Variants in GATAD2B observed in about 807,000 individuals in gnomAD.
GATAD2B encodes transcriptional repressor p66-beta.
A neutral mutation model predicts 64.3 loss-of-function variants in GATAD2B; 8 were observed. The observed-to-expected ratio is 0.12, with a 90% CI of 0.07 to 0.22. The LOEUF (loss-of-function observed/expected upper bound fraction) is 0.22. GATAD2B is among the 10% of genes least tolerant of loss of function. The pLI is 1.00. For missense variants in GATAD2B, 453 were observed against 752.0 expected, an observed-to-expected ratio of 0.60 and a Z score of 4.65; for synonymous variants, 281 against 271.3, an observed-to-expected ratio of 1.04 and a Z score of -0.35.
At chr1:153,851,379 G>A (rs1485604813) in intron 1 of GATAD2B, among the ~76,000 whole-genome samples, 1 of 152,080 alleles carries the variant, frequency 6.6e-6, no homozygotes, top group East Asian at 1.9e-4. Flanking sequence ...TTCCATAGTG[G>A]CCGCTTGTAC....
At chr1:153,864,638 AG>A (rs1418086823) in intron 1 of GATAD2B, among the ~76,000 whole-genome samples, 3 of 152,254 alleles carry the variant, frequency 2.0e-5, no homozygotes, top group African/African-American at 7.2e-5. Flanking sequence ...GAAGAAGAAA[AG>A]AAAGAGATGA....
chr1:153,827,916 T>G (rs1674938503), intron 2 of GATAD2B, 97 bp downstream of exon 2: 1 of 843,638 alleles, frequency 1.2e-6, no homozygotes, highest in African/African-American at 1.7e-5. Context: ...TAAGAATCTT[T>G]AGGATGAAAA....
At chr1:153,810,495 CT>C (rs1232740456) in intron 10 of GATAD2B, among the ~76,000 whole-genome samples, 185 bp from the exon 11 acceptor site, 1 of 152,240 alleles carries the variant, frequency 6.6e-6, no homozygotes, top group Non-Finnish European at 1.5e-5. Flanking sequence ...CAGTCTCATT[CT>C]GTCACCCAGG....
chr1:153,890,829 C>T (rs1052384967), intron 1 of GATAD2B: 2 of 152,200 alleles, frequency 1.3e-5, no homozygotes, highest in African/African-American at 4.8e-5. Flanking sequence ...GGTGATTCTG[C>T]TATCATTAAA....
chr1:153,861,781 C>CAAAACACAAAAAA (rs1676291334), intron 1 of GATAD2B, among the ~76,000 whole-genome samples: 1 of 85,722 alleles, frequency 1.2e-5, no homozygotes, highest in Admixed American at 1.5e-4. Context: ...GACTCCATTT[C>CAAAACACAAAAAA]AAAAAAAAAA....
intron 1 of GATAD2B, among the ~76,000 whole-genome samples, chr1:153,885,745 C>T (rs993070930): frequency 3.3e-5 from 5 of 151,770 alleles, no homozygotes; most frequent in African/African-American, 1.2e-4. Flanking sequence ...CACCTGTAGT[C>T]CCAGCTACTC....
intron 1 of GATAD2B, among the ~76,000 whole-genome samples, chr1:153,830,553 G>A (rs1675044749): frequency 7.1e-6 from 1 of 140,484 alleles, no homozygotes; most frequent in African/African-American, 2.6e-5. Context: ...TCGGCTCACT[G>A]CAAGCTCCGC....
At chr1:153,884,590 G>A (rs916435360) in intron 1 of GATAD2B, among the ~76,000 whole-genome samples, 1 of 152,108 alleles carries the variant, frequency 6.6e-6, no homozygotes, top group African/African-American at 2.4e-5. Context: ...GGACAAGAGT[G>A]AGACTTCATC....
At chr1:153,848,576 T>C (rs1196659551) in intron 1 of GATAD2B, among the ~76,000 whole-genome samples, 2 of 152,230 alleles carry the variant, frequency 1.3e-5, no homozygotes, top group Non-Finnish European at 2.9e-5. Flanking sequence ...ATTTATATAC[T>C]AATTCTCAAA....
chr1:153,897,756 TAGAC>T (rs746883694), intron 1 of GATAD2B, among the ~76,000 whole-genome samples: 50 of 152,292 alleles, frequency 3.3e-4, no homozygotes, highest in Non-Finnish European at 3.5e-4. Flanking sequence ...GTCTCAAAGC[TAGAC>T]AGTTGGCCAA....
chr1:153,900,139 C>T (rs12022730), intron 1 of GATAD2B, among the ~76,000 whole-genome samples: 1 of 151,808 alleles, frequency 6.6e-6, no homozygotes, highest in African/African-American at 2.4e-5. Flanking sequence ...TTTTACTGGG[C>T]GCAGTGAGTG....
intron 10 of GATAD2B, among the ~76,000 whole-genome samples, chr1:153,810,889 G>C (rs548732138): frequency 1.3e-5 from 2 of 151,866 alleles, no homozygotes; most frequent in Non-Finnish European, 2.9e-5. Context: ...TCAGCCTCCC[G>C]AGTAGCTGGG....
intron 1 of GATAD2B, among the ~76,000 whole-genome samples, chr1:153,870,475 A>C (rs1362000931): frequency 6.6e-6 from 1 of 152,128 alleles, no homozygotes; most frequent in African/African-American, 2.4e-5. Flanking sequence ...CAGGAGGCTG[A>C]GGCAGGAGAA....
At chr1:153,877,509 C>T (rs1424820908) in intron 1 of GATAD2B, among the ~76,000 whole-genome samples, 1 of 151,936 alleles carries the variant, frequency 6.6e-6, no homozygotes, top group South Asian at 2.1e-4. Context: ...TGGTTTATGC[C>T]TTGCTGATTA....
chr1:153,889,605 G>A (rs1260008979), intron 1 of GATAD2B: 1 of 264,740 alleles, frequency 3.8e-6, no homozygotes, highest in East Asian at 1.8e-4. Flanking sequence ...GAAAGATGGA[G>A]ACAACATAAA....
intron 1 of GATAD2B, among the ~76,000 whole-genome samples, chr1:153,882,112 TAA>T (rs1055115847): frequency 6.6e-5 from 10 of 152,174 alleles, no homozygotes; most frequent in Admixed American, 3.3e-4. Context: ...TCTTAATTTT[TAA>T]AAGTCATTTG....
At chr1:153,879,908 TAGAAC>T (rs1051908879) in intron 1 of GATAD2B, among the ~76,000 whole-genome samples, 12 of 152,142 alleles carry the variant, frequency 7.9e-5, no homozygotes, top group African/African-American at 2.2e-4. Context: ...CATGGACACT[TAGAAC>T]AATCTCTAAT....
At chr1:153,833,987 T>A (rs926012191) in intron 1 of GATAD2B, among the ~76,000 whole-genome samples, 3 of 151,366 alleles carry the variant, frequency 2.0e-5, no homozygotes, top group Non-Finnish European at 4.4e-5. Flanking sequence ...TCTTTTTTTT[T>A]ATGTTTTTTT....
At position 153,808,960 on chromosome 1, in the gene GATAD2B, C is replaced by T. The variant is rs777803992; in HGVS notation, c.*1217G>A. Reference sequence around the variant, plus strand: ...TGCAGCTGGTGCAGCAGAGTAAGGACAGGACTCCAACCTGATTGTGTACCC... The same window carrying T: ...TGCAGCTGGTGCAGCAGAGTAAGGATAGGACTCCAACCTGATTGTGTACCC... On this transcript the variant is annotated 3_prime_UTR_variant, in exon 11 of 11. Transcript: ENST00000368655. 3.9e-5 allele frequency: 6 copies of T among 152,158 alleles called. No individual in the cohort carries two copies. Among genetic ancestry groups the T allele is most frequent in the Non-Finnish European group, 8.8e-5 (6 of 68,056 alleles). 9.4% of individuals were successfully genotyped at this position (152,158 alleles called of 1,614,324 possible). A position where few individuals can be genotyped will look rare whatever the true frequency, so the allele number is the denominator to read the frequency against.
Sources: gnomAD v4.1 joint callset for allele counts (sites outside exome capture counted in the v4.1 genomes callset) on GRCh38, gnomAD v4.1.1 for gene constraint, MANE v1.5 for transcripts, NCBI Gene and HGNC (gene_info 2026-07-23, HGNC 2026-07-21) for gene names.